WDR27: variants seen among roughly 807,000 people sequenced by gnomAD.
The protein encoded by WDR27 is WD repeat-containing protein 27.
Under a neutral mutation model 114.4 loss-of-function variants are expected in WDR27, and 100 were observed. The observed-to-expected ratio is 0.87, with a 90% CI of 0.74 to 1.03. The LOEUF (loss-of-function observed/expected upper bound fraction) is 1.03. Ranked by LOEUF, WDR27 falls within the 50% of genes least tolerant of loss-of-function variation. The probability of loss-of-function intolerance (pLI) is 0.00; values close to 1 mark genes in which losing one functional copy is unlikely to be tolerated. For synonymous variants in WDR27, 449 were observed against 423.1 expected, an observed-to-expected ratio of 1.06 and a Z score of -0.75; for missense variants, 1,129 against 1,092.9, an observed-to-expected ratio of 1.03 and a Z score of -0.47.
intron 21 of WDR27, among the ~76,000 whole-genome samples, chr6:169,618,255 T>C (rs377725498): frequency 6.6e-6 from 1 of 152,204 alleles, no homozygotes; most frequent in South Asian, 2.1e-4. Flanking sequence ...CTTTTACACA[T>C]TGTTTTTAAT....
chr6:169,666,639 G>A (rs1014942168), intron 6 of WDR27: 9 of 985,630 alleles, frequency 9.1e-6, no homozygotes, highest in South Asian at 4.7e-5. Flanking sequence ...CTGTGTGGCC[G>A]TGTGCCAGCT....
chr6:169,598,304 G>T (rs1286648915), intron 23 of WDR27, among the ~76,000 whole-genome samples: 1 of 152,198 alleles, frequency 6.6e-6, no homozygotes, highest in African/African-American at 2.4e-5. Flanking sequence ...ACAAAGAATG[G>T]AAATGTATAT....
At chr6:169,644,568 G>C (rs535415754) in intron 16 of WDR27, among the ~76,000 whole-genome samples, 2 of 147,368 alleles carry the variant, frequency 1.4e-5, no homozygotes, top group Non-Finnish European at 3.0e-5. Flanking sequence ...CTGTCGAAAA[G>C]CCTAGTTCAC....
intron 25 of WDR27, among the ~76,000 whole-genome samples, chr6:169,520,782 A>C (rs1794278395): frequency 6.6e-6 from 1 of 152,180 alleles, no homozygotes; most frequent in Admixed American, 6.5e-5. Context: ...GAATGGATCA[A>C]GCAGAGGAAA....
chr6:169,614,805 T>C (rs1811406675), intron 21 of WDR27, among the ~76,000 whole-genome samples: 1 of 152,180 alleles, frequency 6.6e-6, no homozygotes, highest in African/African-American at 2.4e-5. Flanking sequence ...TTACAGATCA[T>C]CTACTGAATG....
In WDR27 at chr6:169,665,313, T is replaced by C. The variant is rs142502574; in HGVS notation, c.783+173A>G. ...GCAGACCAGGGGGCCCAGGACCATATTGAACCCACAGTGACGCTGAGACCC... is the reference window on the plus strand; with the variant it reads ...GCAGACCAGGGGGCCCAGGACCATACTGAACCCACAGTGACGCTGAGACCC... On this transcript the variant is annotated intron_variant, in intron 7 of 25. Coordinates refer to ENST00000448612, the MANE Select transcript of WDR27 (RefSeq NM_182552.5). 2.2e-5 allele frequency: 30 copies of C among 1,395,228 alleles called. No homozygotes were observed. The East Asian group carries it at 2.7e-4, about 12-fold the overall frequency. The allele number at this position is 1,395,228 out of a possible 1,614,324, so 86.4% of individuals were successfully genotyped here. A position where few individuals can be genotyped will look rare whatever the true frequency, so the allele number is the denominator to read the frequency against.
Position 169,480,691 on chromosome 6 carries a change from C to T in WDR27, c.2646-23057G>A, listed in dbSNP as rs146850671. On this transcript the variant is annotated intron_variant, in intron 25 of 25. Coordinates refer to ENST00000448612, the MANE Select transcript of WDR27 (RefSeq NM_182552.5). ...GATTGTAAATGCACCAATCAGCACC[C>T]TGTGTCTAACTCAAGGTTTGTAAAC... Among the ~76,000 whole-genome samples, 660 of 151,602 alleles carry T rather than the reference C, an allele frequency of 4.4e-3. 5 individuals carry two copies. Among genetic ancestry groups the T allele is most frequent in the African/African-American group, 0.015 (638 of 41,280 alleles).
chr6:169,563,235 T>G (rs1799925284), intron 25 of WDR27, among the ~76,000 whole-genome samples: 1 of 152,060 alleles, frequency 6.6e-6, no homozygotes. Context: ...CCCAGCCTCC[T>G]CCACCTCTTT....
In WDR27 at chr6:169,666,697, G is replaced by A. The variant is rs374843643; in HGVS notation, c.712+439C>T. On this transcript the variant is annotated intron_variant, in intron 6 of 25. Coordinates refer to ENST00000448612, the MANE Select transcript of WDR27 (RefSeq NM_182552.5). ...CTGAGGGAAGAACGCAAGGACCCTG[G>A]CATTCACGAGCTGCACACGTGCTCA... 9 of 987,346 alleles carry A rather than the reference G, an allele frequency of 9.1e-6. No homozygotes were observed. The African/African-American group carries it at 1.4e-4, about 15-fold the overall frequency. The allele number at this position is 987,346 out of a possible 1,614,324, so 61.2% of individuals were successfully genotyped here.
chr6:169,501,565 G>C (rs1562500302), intron 25 of WDR27, among the ~76,000 whole-genome samples: 1 of 152,226 alleles, frequency 6.6e-6, no homozygotes, highest in Non-Finnish European at 1.5e-5. Flanking sequence ...AAGATGCAGT[G>C]AACTTTTGAA....
chr6:169,669,448 T>C (rs1778132719), intron 4 of WDR27: 1 of 152,232 alleles, frequency 6.6e-6, no homozygotes, highest in Non-Finnish European at 1.5e-5. Flanking sequence ...GACCCCAGGC[T>C]GATGGTTCTC....
At chr6:169,661,056 G>A (rs1233359972) in intron 9 of WDR27, among the ~76,000 whole-genome samples, 2 of 152,158 alleles carry the variant, frequency 1.3e-5, no homozygotes, top group Non-Finnish European at 2.9e-5. Flanking sequence ...CTCTCCGCAG[G>A]AGTGGAGAGC....
intron 25 of WDR27, among the ~76,000 whole-genome samples, chr6:169,553,795 T>C (rs1798514433): frequency 2.0e-5 from 3 of 152,174 alleles, no homozygotes; most frequent in African/African-American, 7.2e-5. Flanking sequence ...ACGTTACCGT[T>C]CACATGTTCA....
chr6:169,634,035 T>G (rs1025643307), intron 20 of WDR27, among the ~76,000 whole-genome samples: 1 of 152,176 alleles, frequency 6.6e-6, no homozygotes, highest in African/African-American at 2.4e-5. Context: ...CATAAAAATC[T>G]CAAAAATTAA....
intron 1 of WDR27, among the ~76,000 whole-genome samples, chr6:169,697,934 C>T (rs551999429): frequency 3.9e-5 from 6 of 152,304 alleles, no homozygotes; most frequent in East Asian, 1.9e-4. Flanking sequence ...CACTCGTCCC[C>T]GCGCACGGGG....
chr6:169,657,389 C>G (rs1014283262), intron 13 of WDR27, among the ~76,000 whole-genome samples: 1 of 152,206 alleles, frequency 6.6e-6, no homozygotes, highest in Non-Finnish European at 1.5e-5. Flanking sequence ...GACGGACTGA[C>G]GCAGGAACCC....
In WDR27 at chr6:169,582,931, A is replaced by C; in HGVS notation, c.2428T>G (p.Tyr810Asp). 6.2e-7 allele frequency: 1 copy of C among 1,613,784 alleles called. No individual in the cohort carries two copies. The highest frequency in any genetic ancestry group is 8.5e-7 in the Non-Finnish European group (1 of 1,179,810). ...AACGAEDRHA[Y>D]VYEMGSSTFS... is the part of the protein sequence containing the mutation. ...GTGCTTGAGCCCATTTCATACACGT[A>C]AGCCTACAAGACAAGATGAGCAGGT... The change falls in exon 24 of 26, where the codon TAC becomes GAC. Residue 810 changes from tyrosine (Y) to aspartate (D), a missense_variant. By Grantham distance (160) the Tyr-to-Asp change is radical. Transcript: ENST00000448612.
intron 25 of WDR27, among the ~76,000 whole-genome samples, chr6:169,537,545 T>A (rs1796325973): frequency 1.3e-5 from 2 of 152,072 alleles, no homozygotes; most frequent in Admixed American, 1.3e-4. Context: ...AGCAGAAAAA[T>A]TGCCTACAAT....
chr6:169,693,975 C>T lies in WDR27; in HGVS notation c.-7-4963G>A, dbSNP rs115879193. On this transcript the variant is annotated intron_variant, in intron 1 of 25. Transcript: ENST00000448612. ...AAGAAAGAATGGACTTAAACTACACCGTAGAACAAATAAAATTAACATGTA... is the reference window on the plus strand; with the variant it reads ...AAGAAAGAATGGACTTAAACTACACTGTAGAACAAATAAAATTAACATGTA... 3.6e-3 allele frequency among the ~76,000 whole-genome samples: 542 copies of T among 152,154 alleles called. 3 individuals are homozygous for T. Among genetic ancestry groups the T allele is most frequent in the Middle Eastern group, 0.014 (4 of 294 alleles).
Sources: gnomAD v4.1 joint callset for allele counts (sites outside exome capture counted in the v4.1 genomes callset) on GRCh38, gnomAD v4.1.1 for gene constraint, MANE v1.5 for transcripts, NCBI Gene and HGNC (gene_info 2026-07-23, HGNC 2026-07-21) for gene names.